The following KRT36 variants were observed in gnomAD, a reference collection of about 807,000 sequenced individuals.
KRT36 encodes the protein keratin, type I cuticular Ha6.
Under a neutral mutation model 43.0 loss-of-function variants are expected in KRT36, and 41 were observed. The ratio of observed to expected loss-of-function variants is 0.95; its 90% confidence interval spans 0.74 to 1.24. The LOEUF (loss-of-function observed/expected upper bound fraction) is 1.24. Ranked by LOEUF, KRT36 falls within the 50% of genes most tolerant of loss-of-function variation. KRT36 has a pLI of 0.00. For synonymous variants in KRT36, 277 were observed against 252.9 expected (o/e 1.10, Z -0.90); for missense variants, 627 against 595.3 (o/e 1.05, Z -0.55).
chr17:41,489,573 GCA>G lies in KRT36; in HGVS notation c.290_291del (p.Met97ThrfsTer61). 1 of 1,614,174 alleles carries G rather than the reference GCA, an allele frequency of 6.2e-7. No homozygotes were observed. Among genetic ancestry groups the G allele is most frequent in the Non-Finnish European group, 8.5e-7 (1 of 1,180,030 alleles). On this transcript the variant is annotated frameshift_variant, in exon 1 of 7. Transcript: ENST00000328119. LOFTEE classifies it high-confidence loss of function. ...GSFNGSEKETMQFLNDRLANY... is the reference protein window; with the variant it reads ...GSFNGSEKETXQFLNDRLANY... ...TTGGCCAGGCGGTCGTTCAGGAACT[GCA>G]TAGTCTCCTTCTCGCTGCCGTTGAA...
Position 41,489,562 on chromosome 17 carries a change from G to T in KRT36, c.303C>A (p.Asn101Lys). ...GSEKETMQFL[N>K]DRLANYLEKV... is the part of the protein sequence containing the mutation. ...TCTCCAGGTAGTTGGCCAGGCGGTC[G>T]TTCAGGAACTGCATAGTCTCCTTCT... Residue 101 changes from asparagine to lysine, a missense_variant, in exon 1 of 7, where the codon AAC (asparagine) becomes AAA (lysine). By Grantham distance (94) the Asn-to-Lys change is moderately conservative. Coordinates refer to ENST00000328119, the MANE Select transcript of KRT36 (RefSeq NM_003771.5). 1 of 1,614,146 alleles carries T rather than the reference G, an allele frequency of 6.2e-7. No individual in the cohort carries two copies. Among genetic ancestry groups the T allele is most frequent in the Non-Finnish European group, 8.5e-7 (1 of 1,180,034 alleles).
chr17:41,487,394 G>C lies in KRT36; in HGVS notation c.944C>G (p.Thr315Arg). The change falls in exon 5 of 7, where the codon ACG becomes AGG. Residue 315 changes from threonine (T) to arginine (R), a missense_variant. Coordinates refer to ENST00000328119, the MANE Select transcript of KRT36 (RefSeq NM_003771.5). ...CAGCTCAATCTCTAGCGCGTTGACCGTACGTCTCAGCTCGATGATCTCCGT... is the reference window on the plus strand; with the variant it reads ...CAGCTCAATCTCTAGCGCGTTGACCCTACGTCTCAGCTCGATGATCTCCGT... The part of the protein sequence containing the change: ...CQTEIIELRR[T>R]VNALEIELQA... 2 of 1,612,972 alleles carry C rather than the reference G, an allele frequency of 1.2e-6. No individual in the cohort carries two copies. The highest frequency in any genetic ancestry group is 1.7e-6 in the Non-Finnish European group (2 of 1,179,630).
chr17:41,489,384 A>G (rs766308905), intron 1 of KRT36, 22 bp downstream of exon 1: 2 of 1,607,726 alleles, frequency 1.2e-6, no homozygotes, highest in Non-Finnish European at 1.7e-6. Flanking sequence ...GCTCAGCTGG[A>G]AAGGGGCCAG....
In KRT36 at chr17:41,488,664, C is replaced by T. The variant is rs1904474858; in HGVS notation, c.520G>A (p.Ala174Thr). ...LVLQIDNAKL[A>T]ADDFRTKYET... The stretch of plus-strand genomic sequence containing the variant: ...CACTTGGTCCGGAAGTCGTCAGCAG[C>T]CAGCTTGGCATTATCAATCTGCAGG... Residue 174 changes from alanine to threonine, a missense_variant, in exon 2 of 7, where the codon GCT (alanine) becomes ACT (threonine). Ala to Thr is a moderately conservative substitution (Grantham distance 58). Transcript: ENST00000328119. 1 of 1,614,142 alleles carries T rather than the reference C, an allele frequency of 6.2e-7. No individual in the cohort carries two copies. The highest frequency in any genetic ancestry group is 2.2e-5 in the East Asian group (1 of 44,870).
At chr17:41,487,819 T>A in intron 3 of KRT36, 82 bp from the exon 4 acceptor site, 1 of 1,382,952 alleles carries the variant, frequency 7.2e-7, no homozygotes, top group Non-Finnish European at 1.0e-6. Flanking sequence ...TCAAACCCTC[T>A]TCCCTCAGTC....
intron 1 of KRT36, 145 bp from the exon 2 acceptor site, chr17:41,488,869 G>C: frequency 2.9e-6 from 2 of 699,186 alleles, no homozygotes; most frequent in Non-Finnish European, 2.5e-6. Context: ...CCCCAGGTGT[G>C]GGGGGAGCAT....
At position 41,487,477 on chromosome 17, in the gene KRT36, C is replaced by T; in HGVS notation, c.862-1G>A. ...CCACCTGCTGGTTCAGCTCCTCAGT[C>T]TGAAACACATGCCAGGGCCCAGAGC... On this transcript the variant is annotated splice_acceptor_variant, in intron 4 of 6. Transcript: ENST00000328119. LOFTEE classifies it high-confidence loss of function. The T allele has an allele frequency of 1.2e-6, 2 of 1,614,100 alleles. No homozygotes were observed. Among genetic ancestry groups the T allele is most frequent in the East Asian group, 2.2e-5 (1 of 44,878 alleles).
Position 41,489,663 on chromosome 17 carries a change from G to C in KRT36, c.202C>G (p.Leu68Val), listed in dbSNP as rs773710329. Residue 68 changes from leucine (L) to valine (V), a missense_variant, in exon 1 of 7, where the codon CTG becomes GTG. Transcript: ENST00000328119. ...CCAGAGGTGTGGCACTCAGAAGACA[G>C]GTAGGAGCCAGGCAAGCAGCTCCCA... Reference protein sequence around the residue: ...GLGSCLPGSYLSSECHTSGFV... With the variant: ...GLGSCLPGSYVSSECHTSGFV... 14 of 1,614,202 alleles carry C rather than the reference G, an allele frequency of 8.7e-6. No individual in the cohort carries two copies. Among genetic ancestry groups the C allele is most frequent in the Non-Finnish European group, 1.2e-5 (14 of 1,180,046 alleles).
In KRT36 at chr17:41,487,634, T is replaced by G. The variant is rs1005705421; in HGVS notation, c.803A>C (p.Gln268Pro). The change falls in exon 4 of 7, where the codon CAG (glutamine) becomes CCG (proline). Residue 268 changes from glutamine to proline, a missense_variant. By Grantham distance (76) the Gln-to-Pro change is moderately conservative. Coordinates refer to ENST00000328119, the MANE Select transcript of KRT36 (RefSeq NM_003771.5). ...LNKILEDMRC[Q>P]YEALVENNRR... ...GTTATTCTCCACCAGGGCCTCGTAC[T>G]GGCATCTCATATCCTCCAGGATCTT... 2.5e-6 allele frequency: 4 copies of G among 1,614,196 alleles called. No homozygotes were observed. The East Asian group carries it at 8.9e-5, about 36-fold the overall frequency.
intron 3 of KRT36, 51 bp from the exon 4 acceptor site, chr17:41,487,788 G>T (rs772404568): frequency 2.6e-6 from 4 of 1,558,618 alleles, no homozygotes; most frequent in Non-Finnish European, 3.5e-6. Context: ...ATGCTGGATT[G>T]CAGGTTTCAA....
intron 5 of KRT36, 47 bp downstream of exon 5, chr17:41,487,304 G>C (rs1309200616): frequency 6.3e-7 from 1 of 1,595,018 alleles, no homozygotes; most frequent in African/African-American, 1.3e-5. Flanking sequence ...GGTGCGTCGG[G>C]GACCTGCCAC....
chr17:41,488,250 T>A lies in KRT36; in HGVS notation c.692A>T (p.His231Leu), dbSNP rs1904459887. ...ACATGGCACCAGCCTCACCTCCTCG[T>A]GATTCTTCTTGAGGCACATCAGCTC... is the stretch of plus-strand genomic sequence containing the variant. ...KEELMCLKKNHEEEVSVLRCQ... is the reference protein window; with the variant it reads ...KEELMCLKKNLEEEVSVLRCQ... Residue 231 changes from histidine to leucine, a missense_variant, in exon 3 of 7, where the codon CAC (histidine) becomes CTC (leucine). Coordinates refer to ENST00000328119, the MANE Select transcript of KRT36 (RefSeq NM_003771.5). The A allele has an allele frequency of 6.2e-7, 1 of 1,613,746 alleles. No homozygotes were observed.
In KRT36 at chr17:41,489,394, G is replaced by A; in HGVS notation, c.459+12C>T. ...GGGCTGCTCAGCTGGAAAGGGGCCA[G>A]GTCTCCCTCACCTTCTGCTGGAAAT... On this transcript the variant is annotated intron_variant, in intron 1 of 6. Coordinates refer to ENST00000328119, the MANE Select transcript of KRT36 (RefSeq NM_003771.5). 6.2e-7 allele frequency: 1 copy of A among 1,610,828 alleles called. No homozygotes were observed.
At chr17:41,487,822 C>T in intron 3 of KRT36, 85 bp from the exon 4 acceptor site, 1 of 1,343,488 alleles carries the variant, frequency 7.4e-7, no homozygotes, top group South Asian at 1.3e-5. Context: ...AACCCTCTTC[C>T]CTCAGTCACC....
Position 41,488,323 on chromosome 17 carries a change from T to C in KRT36, c.619A>G (p.Thr207Ala). Residue 207 changes from threonine (T) to alanine (A), a missense_variant, in exon 3 of 7, where the codon ACC (threonine) becomes GCC (alanine). Thr to Ala is a moderately conservative substitution (Grantham distance 58). Coordinates refer to ENST00000328119, the MANE Select transcript of KRT36 (RefSeq NM_003771.5). ...NGLRRILDEL[T>A]LCKADLEAQV... Reference sequence around the variant, plus strand: ...GCCTCCAGGTCAGCCTTGCACAGGGTCAGCTCATCCAGGATCCTACGCAGG... The same window carrying C: ...GCCTCCAGGTCAGCCTTGCACAGGGCCAGCTCATCCAGGATCCTACGCAGG... 1 of 1,614,146 alleles carries C rather than the reference T, an allele frequency of 6.2e-7. No individual in the cohort carries two copies. Among genetic ancestry groups the C allele is most frequent in the South Asian group, 1.1e-5 (1 of 91,078 alleles).
At chr17:41,486,666 G>A in intron 6 of KRT36, 95 bp from the exon 7 acceptor site, 1 of 1,026,064 alleles carries the variant, frequency 9.7e-7, no homozygotes, top group Non-Finnish European at 1.4e-6. Flanking sequence ...GAGACCGGTG[G>A]CCCCGGATCA....
In KRT36 at chr17:41,487,334, A is replaced by C; in HGVS notation, c.987+17T>G. 1 of 1,607,856 alleles carries C rather than the reference A, an allele frequency of 6.2e-7. No individual in the cohort carries two copies. The highest frequency in any genetic ancestry group is 8.5e-7 in the Non-Finnish European group (1 of 1,178,434). Reference sequence around the variant, plus strand: ...TGCCACAGGCCGTGGCCAGCGACGCAGGCAGGGGCCACTCACCATGCTGTG... The same window carrying C: ...TGCCACAGGCCGTGGCCAGCGACGCCGGCAGGGGCCACTCACCATGCTGTG... On this transcript the variant is annotated intron_variant, in intron 5 of 6. Coordinates refer to ENST00000328119, the MANE Select transcript of KRT36 (RefSeq NM_003771.5).
chr17:41,489,357 C>T (rs1904496597), intron 1 of KRT36, 49 bp downstream of exon 1: 7 of 1,574,950 alleles, frequency 4.4e-6, no homozygotes, highest in Non-Finnish European at 6.1e-6. Context: ...AGACAGACGC[C>T]TCCTAAGAGT....
Position 41,486,250 on chromosome 17 carries a change from G to T in KRT36, c.*126C>A. 2 of 690,146 alleles carry T rather than the reference G, an allele frequency of 2.9e-6. No homozygotes were observed. The highest frequency in any genetic ancestry group is 4.8e-6 in the Non-Finnish European group (2 of 418,428). The allele number at this position is 690,146 out of a possible 1,614,324, so 42.8% of individuals were successfully genotyped here. On this transcript the variant is annotated 3_prime_UTR_variant, in exon 7 of 7. Transcript: ENST00000328119. ...GAAACACAATACGGGGAGTGTTTTGGTAGAAAAACCTGCTAAGCGTAGGGG... is the reference window on the plus strand; with the variant it reads ...GAAACACAATACGGGGAGTGTTTTGTTAGAAAAACCTGCTAAGCGTAGGGG...
Sources: allele counts gnomAD v4.1 joint callset, GRCh38; gene constraint gnomAD v4.1.1; transcripts MANE v1.5; gene names NCBI Gene and HGNC (gene_info 2026-07-23, HGNC 2026-07-21).